The following TWIST2 variants were observed in gnomAD, a reference collection of about 807,000 sequenced individuals.
TWIST2 encodes the protein twist-related protein 2.
A neutral mutation model predicts 11.6 loss-of-function variants in TWIST2; 1 was observed. That is an observed-to-expected ratio of 0.09 (90% CI 0.03 to 0.41). The LOEUF is 0.41. TWIST2 is among the 10% of genes least tolerant of loss of function. TWIST2 has a pLI of 0.98. For missense variants in TWIST2, 168 were observed against 226.4 expected (o/e 0.74, Z 1.66); for synonymous variants, 87 against 96.6 (o/e 0.90, Z 0.58).
chr2:238,851,387 T>C (rs544289045), intron 1 of TWIST2, among the ~76,000 whole-genome samples: 3 of 152,354 alleles, frequency 2.0e-5, no homozygotes, highest in Admixed American at 2.0e-4. Context: ...AGGATTTTTT[T>C]AGTATTCTCA....
intron 1 of TWIST2, among the ~76,000 whole-genome samples, chr2:238,875,336 G>T (rs1692784137): frequency 6.6e-6 from 1 of 151,880 alleles, no homozygotes; most frequent in South Asian, 2.1e-4. Context: ...TCTCCAAGAA[G>T]AAGACGGCCT....
At chr2:238,849,975 A>T (rs1019984764) in intron 1 of TWIST2, among the ~76,000 whole-genome samples, 1 of 152,224 alleles carries the variant, frequency 6.6e-6, no homozygotes, top group African/African-American at 2.4e-5. Flanking sequence ...CACAGAAGGA[A>T]TTTAGATTAA....
intron 1 of TWIST2, among the ~76,000 whole-genome samples, chr2:238,879,241 G>A (rs1311717504): frequency 6.6e-6 from 1 of 151,900 alleles, no homozygotes; most frequent in Non-Finnish European, 1.5e-5. Context: ...TTCTTGATGA[G>A]ACCAATAATC....
intron 1 of TWIST2, among the ~76,000 whole-genome samples, chr2:238,904,469 GTGTC>G (rs1374705263): frequency 3.4e-5 from 5 of 146,808 alleles, no homozygotes; most frequent in Admixed American, 1.4e-4. Flanking sequence ...GGGTGTGTGT[GTGTC>G]TGTGTGCGTG....
chr2:238,865,352 G>T (rs1323610686), intron 1 of TWIST2, among the ~76,000 whole-genome samples: 1 of 152,188 alleles, frequency 6.6e-6, no homozygotes, highest in South Asian at 2.1e-4. Flanking sequence ...GGCGCACAGG[G>T]ACCTCCCCAT....
chr2:238,900,627 G>T (rs1240656797), intron 1 of TWIST2, among the ~76,000 whole-genome samples: 1 of 152,168 alleles, frequency 6.6e-6, no homozygotes, highest in African/African-American at 2.4e-5. Flanking sequence ...TCGCTCTCCC[G>T]CATGGTCCCT....
At position 238,867,420 on chromosome 2, in the gene TWIST2, T is replaced by C. The variant is rs1044560101; in HGVS notation, c.*35+18687T>C. Among the ~76,000 whole-genome samples the C allele has an allele frequency of 2.8e-5, 2 of 70,640 alleles. No individual in the cohort carries two copies. Among genetic ancestry groups the C allele is most frequent in the African/African-American group, 8.7e-5 (2 of 23,102 alleles). The allele number at this position is 70,640 out of a possible 152,430, so 46.3% of individuals were successfully genotyped here. On this transcript the variant is annotated intron_variant, in intron 1 of 1. Coordinates refer to ENST00000612363, the MANE Select transcript of TWIST2 (RefSeq NM_001271893.4). The surrounding 1 kb of genome is among the most constrained non-coding windows in gnomAD (Gnocchi z 4.8). ...ACACACACACACACACACTCCTCAG[T>C]AAAATACCCAGTTCTCACCAGGCTT...
intron 1 of TWIST2, among the ~76,000 whole-genome samples, chr2:238,874,951 C>T (rs1289648508): frequency 3.3e-5 from 5 of 152,222 alleles, no homozygotes; most frequent in Non-Finnish European, 1.5e-5. Flanking sequence ...CTTCCAGGCT[C>T]TGTTGATGAC....
intron 1 of TWIST2, among the ~76,000 whole-genome samples, chr2:238,876,718 C>T (rs1692810745): frequency 6.6e-6 from 1 of 152,180 alleles, no homozygotes; most frequent in Admixed American, 6.5e-5. Flanking sequence ...AATATCAGGG[C>T]ATTCAGATGC....
At chr2:238,902,093 T>C (rs1254353703) in intron 1 of TWIST2, among the ~76,000 whole-genome samples, 1 of 152,166 alleles carries the variant, frequency 6.6e-6, no homozygotes, top group African/African-American at 2.4e-5. Flanking sequence ...AGCCCACGCT[T>C]CTGTGGCCAG....
chr2:238,880,959 G>A (rs201147431), intron 1 of TWIST2, among the ~76,000 whole-genome samples: 7,776 of 90,438 alleles, frequency 0.086, 673 homozygotes, highest in East Asian at 0.33. Context: ...TAGTATTAAT[G>A]TTAGTGTTAG....
At chr2:238,877,006 C>T (rs564737489) in intron 1 of TWIST2, among the ~76,000 whole-genome samples, 1 of 152,110 alleles carries the variant, frequency 6.6e-6, no homozygotes, top group Non-Finnish European at 1.5e-5. Flanking sequence ...ACTAGCCTGG[C>T]CAACATGCTG....
At chr2:238,875,985 G>C (rs1692797749) in intron 1 of TWIST2, among the ~76,000 whole-genome samples, 1 of 152,220 alleles carries the variant, frequency 6.6e-6, no homozygotes, top group Non-Finnish European at 1.5e-5. Context: ...TGCAGGGAGG[G>C]TGGGGGACCC....
chr2:238,868,087 CCT>C (rs573363514), intron 1 of TWIST2, among the ~76,000 whole-genome samples: 82 of 152,336 alleles, frequency 5.4e-4, no homozygotes, highest in African/African-American at 1.9e-3. Flanking sequence ...TCCGGAATTA[CCT>C]CCCTGACCAG....
At chr2:238,853,049 C>G (rs1358029518) in intron 1 of TWIST2, among the ~76,000 whole-genome samples, 2 of 151,988 alleles carry the variant, frequency 1.3e-5, no homozygotes, top group African/African-American at 4.8e-5. Context: ...CAATATATAA[C>G]TAATTAGAAG....
intron 1 of TWIST2, among the ~76,000 whole-genome samples, chr2:238,868,041 TC>T (rs1692575105): frequency 6.6e-6 from 1 of 152,148 alleles, no homozygotes; most frequent in Admixed American, 6.5e-5. Flanking sequence ...TAATGGAAGT[TC>T]CAAGGAACAC....
In TWIST2 at chr2:238,848,521, C is replaced by A; in HGVS notation, c.306C>A (p.Ser102Arg). ...CCACGCTGCCCTCTGACAAGCTGAG[C>A]AAGATCCAGACGCTCAAGCTGGCCG... ...IIPTLPSDKL[S>R]KIQTLKLAAR... Residue 102 changes from serine to arginine, a missense_variant, in exon 1 of 2, where the codon AGC (serine) becomes AGA (arginine). Around this residue, in one of 3 missense-constraint regions of TWIST2, gnomAD observed 23 missense variants for 58.5 expected, o/e 0.39. Transcript: ENST00000612363. The A allele has an allele frequency of 6.3e-7, 1 of 1,592,768 alleles. No individual in the cohort carries two copies.
Position 238,895,889 on chromosome 2 carries a change from T to G in TWIST2, c.*36-13953T>G, listed in dbSNP as rs1025027931. On this transcript the variant is annotated intron_variant, in intron 1 of 1. Coordinates refer to ENST00000612363, the MANE Select transcript of TWIST2 (RefSeq NM_001271893.4). ...AGCTCGCCCTCTCCCCTGGTTTCCTTGGGCTGACTCCTCCTTGCCAGACAG... is the reference window on the plus strand; with the variant it reads ...AGCTCGCCCTCTCCCCTGGTTTCCTGGGGCTGACTCCTCCTTGCCAGACAG... Among the ~76,000 whole-genome samples the G allele has an allele frequency of 6.1e-3, 928 of 152,258 alleles. 13 individuals carry two copies. The highest frequency in any genetic ancestry group is 0.022 in the African/African-American group (895 of 41,554).
chr2:238,897,971 G>A (rs947268928), intron 1 of TWIST2, among the ~76,000 whole-genome samples: 25 of 152,228 alleles, frequency 1.6e-4, no homozygotes, highest in Admixed American at 6.5e-5. Flanking sequence ...TGATCACTGA[G>A]GCATGGTCCA....
Sources: gnomAD v4.1 joint callset for allele counts (sites outside exome capture counted in the v4.1 genomes callset) on GRCh38, gnomAD v4.1.1 for gene constraint, gnomAD v4.1.1 regional missense constraint, Gnocchi (gnomAD v3.1) non-coding constraint, MANE v1.5 for transcripts, NCBI Gene and HGNC (gene_info 2026-07-23, HGNC 2026-07-21) for gene names.